The following SAMD5 variants were observed in gnomAD, a reference collection of about 807,000 sequenced individuals.
The protein encoded by SAMD5 is sterile alpha motif domain-containing protein 5.
Under a neutral mutation model 11.3 loss-of-function variants are expected in SAMD5, and 13 were observed. That is an observed-to-expected ratio of 1.15 (90% CI 0.75 to 1.83). SAMD5 has a LOEUF of 1.83. Among genes scored for constraint, SAMD5 ranks in the 40% most tolerant of loss-of-function variants. The pLI is 0.00. For synonymous variants in SAMD5, 129 were observed against 111.3 expected, an observed-to-expected ratio of 1.16 and a Z score of -1.00; for missense variants, 255 against 239.1, an observed-to-expected ratio of 1.07 and a Z score of -0.44.
the SAMD5 span, among the ~76,000 whole-genome samples, chr6:147,953,127 A>G: frequency 6.6e-6 from 1 of 152,124 alleles, no homozygotes; most frequent in Admixed American, 6.5e-5. Flanking sequence ...CTCCAAATTC[A>G]TCTAATTCCA....
chr6:147,600,386 T>C (rs1033658072), intron 1 of SAMD5, among the ~76,000 whole-genome samples: 1 of 152,174 alleles, frequency 6.6e-6, no homozygotes, highest in Non-Finnish European at 1.5e-5. Flanking sequence ...AAACTTTTCT[T>C]TGATGTTTCT....
At chr6:147,829,021 A>G in the SAMD5 span, among the ~76,000 whole-genome samples, 1 of 152,192 alleles carries the variant, frequency 6.6e-6, no homozygotes, top group African/African-American at 2.4e-5. Flanking sequence ...TCTAAAACCA[A>G]CAAGGAACAT....
At chr6:147,872,895 A>G in the SAMD5 span, among the ~76,000 whole-genome samples, 2 of 152,322 alleles carry the variant, frequency 1.3e-5, no homozygotes, top group Admixed American at 1.3e-4. Flanking sequence ...AGCTCCATGA[A>G]GACAGGAAGT....
At chr6:147,672,877 A>G (rs1340482943) in intron 1 of SAMD5, among the ~76,000 whole-genome samples, 1 of 152,132 alleles carries the variant, frequency 6.6e-6, no homozygotes, top group Non-Finnish European at 1.5e-5. Context: ...TATTTATTTT[A>G]AACCAAAAGC....
chr6:147,804,424 T>C, the SAMD5 span, among the ~76,000 whole-genome samples: 70 of 152,326 alleles, frequency 4.6e-4, 2 homozygotes, highest in East Asian at 0.011. Flanking sequence ...GGTATCTTTA[T>C]GTGTTTTTCT....
At chr6:147,782,787 A>G in the SAMD5 span, among the ~76,000 whole-genome samples, 1 of 152,232 alleles carries the variant, frequency 6.6e-6, no homozygotes, top group African/African-American at 2.4e-5. Context: ...AAAAATTAAA[A>G]TCTTGATCCA....
chr6:147,730,161 G>T, intron 1 of SAMD5: 2 of 415,950 alleles, frequency 4.8e-6, no homozygotes, highest in South Asian at 1.8e-5. Context: ...GAAAGATGAT[G>T]ATTTCGGGAA....
intron 1 of SAMD5, among the ~76,000 whole-genome samples, chr6:147,726,255 T>A (rs1253509460): frequency 6.6e-6 from 1 of 152,248 alleles, no homozygotes; most frequent in Non-Finnish European, 1.5e-5. Context: ...GCATCCATTT[T>A]TTCTTGCCTT....
chr6:147,626,462 C>T (rs557604864), intron 1 of SAMD5, among the ~76,000 whole-genome samples: 5 of 150,904 alleles, frequency 3.3e-5, no homozygotes, highest in East Asian at 2.0e-4. Context: ...AATAATTGCC[C>T]CCATCCCCTC....
intron 1 of SAMD5, among the ~76,000 whole-genome samples, chr6:147,563,469 C>T (rs141088415): frequency 1.3e-5 from 2 of 152,296 alleles, no homozygotes; most frequent in South Asian, 2.1e-4. Flanking sequence ...AATAAGCAAG[C>T]GGTTGAATCT....
chr6:147,813,320 A>G, the SAMD5 span, among the ~76,000 whole-genome samples: 3 of 152,186 alleles, frequency 2.0e-5, no homozygotes, highest in African/African-American at 7.2e-5. Context: ...GCTCAAACTC[A>G]AATTGAATTG....
At chr6:147,685,745 T>G (rs1405388827) in intron 1 of SAMD5, among the ~76,000 whole-genome samples, 2 of 152,202 alleles carry the variant, frequency 1.3e-5, no homozygotes, top group African/African-American at 4.8e-5. Flanking sequence ...CTCTGTTGAT[T>G]TTCCGTTTTT....
intron 1 of SAMD5, among the ~76,000 whole-genome samples, chr6:147,708,575 G>A (rs1791355877): frequency 6.6e-6 from 1 of 152,160 alleles, no homozygotes; most frequent in African/African-American, 2.4e-5. Flanking sequence ...AGCTAGAGAA[G>A]GGAACAGAAG....
intron 1 of SAMD5, among the ~76,000 whole-genome samples, chr6:147,518,769 T>C (rs887150586): frequency 3.9e-5 from 6 of 152,230 alleles, no homozygotes; most frequent in African/African-American, 1.4e-4. Context: ...TTAATACTAC[T>C]AGTATTGAGT....
chr6:147,531,348 T>G (rs1158138552), intron 1 of SAMD5, among the ~76,000 whole-genome samples: 1 of 152,228 alleles, frequency 6.6e-6, no homozygotes, highest in Non-Finnish European at 1.5e-5. Flanking sequence ...GTAGAACTGA[T>G]TTTGGCTAAG....
In SAMD5 at chr6:147,569,710, A is replaced by G. The variant is rs967726169; in HGVS notation, c.*5254A>G. The G allele has an allele frequency of 3.0e-6, 3 of 985,402 alleles. No homozygotes were observed. Among genetic ancestry groups the G allele is most frequent in the African/African-American group, 3.5e-5 (2 of 57,364 alleles). The allele number at this position is 985,402 out of a possible 1,614,324, so 61.0% of individuals were successfully genotyped here. A position where few individuals can be genotyped will look rare whatever the true frequency, so the allele number is the denominator to read the frequency against. On this transcript the variant is annotated 3_prime_UTR_variant, in exon 2 of 2. Coordinates refer to ENST00000367474, the MANE Select transcript of SAMD5 (RefSeq NM_001030060.3). ...TTAGAGATACTATTCGGGTTGCTAA[A>G]GCCATTATTCATAGAAAATTTCTGC...
At chr6:147,864,255 G>A in the SAMD5 span, among the ~76,000 whole-genome samples, 1 of 152,138 alleles carries the variant, frequency 6.6e-6, no homozygotes, top group Non-Finnish European at 1.5e-5. Context: ...GAGGGACCTG[G>A]CTAAAAATGT....
chr6:147,772,992 C>T, the SAMD5 span, among the ~76,000 whole-genome samples: 7 of 152,210 alleles, frequency 4.6e-5, no homozygotes, highest in Admixed American at 2.6e-4. Flanking sequence ...TCACATATAG[C>T]GTGTCTCTCA....
chr6:147,759,006 C>A, the SAMD5 span, among the ~76,000 whole-genome samples: 2 of 152,144 alleles, frequency 1.3e-5, no homozygotes, highest in African/African-American at 4.8e-5. Flanking sequence ...AACAACAAAA[C>A]CTCCTTAAGA....
Sources: gnomAD v4.1 joint callset for allele counts (sites outside exome capture counted in the v4.1 genomes callset) on GRCh38, gnomAD v4.1.1 for gene constraint, MANE v1.5 for transcripts, NCBI Gene and HGNC (gene_info 2026-07-23, HGNC 2026-07-21) for gene names.